Variants in ADARB2 observed in about 807,000 individuals in gnomAD.
ADARB2 encodes adenosine deaminase RNA specific B2 (inactive).
ADARB2 carries 25 observed loss-of-function variants against 62.2 expected under a neutral mutation model. The observed-to-expected ratio is 0.40, with a 90% CI of 0.29 to 0.56. The LOEUF (loss-of-function observed/expected upper bound fraction) is 0.56, where lower values mean the gene tolerates loss of function less well. Among genes scored for constraint, ADARB2 ranks in the 20% least tolerant of loss-of-function variants. The pLI, the probability that ADARB2 is intolerant of heterozygous loss-of-function variation, is 0.43. For synonymous variants in ADARB2, 572 were observed against 500.8 expected (o/e 1.14, Z -1.90); for missense variants, 1,071 against 1,077.4 (o/e 0.99, Z 0.08).
chr10:1,210,150 T>C (rs1321875226), intron 7 of ADARB2, among the ~76,000 whole-genome samples: 1 of 152,240 alleles, frequency 6.6e-6, no homozygotes, highest in African/African-American at 2.4e-5. Context: ...GTTTGGATCT[T>C]TTGATACAAA....
At chr10:1,431,256 T>C (rs1830775330) in intron 1 of ADARB2, among the ~76,000 whole-genome samples, 1 of 152,134 alleles carries the variant, frequency 6.6e-6, no homozygotes, top group Non-Finnish European at 1.5e-5. Context: ...CATAAAGGAA[T>C]TAAACCAGAA....
chr10:1,519,836 GC>G (rs1352468498), intron 1 of ADARB2, among the ~76,000 whole-genome samples: 2 of 151,950 alleles, frequency 1.3e-5, no homozygotes, highest in Non-Finnish European at 2.9e-5. Flanking sequence ...CCTTTGCCCT[GC>G]ATGGATCTTG....
chr10:1,332,851 A>G lies in ADARB2; in HGVS notation c.1077+30177T>C, dbSNP rs566016313. On this transcript the variant is annotated intron_variant, in intron 3 of 9. Transcript: ENST00000381312. ...AAATTGTCTAATTGATTAAGTTGTA[A>G]GAATTTCTCTGATTACATTGGAAGC... Among the ~76,000 whole-genome samples the G allele has an allele frequency of 3.3e-5, 5 of 152,376 alleles. No homozygotes were observed. The South Asian group carries it at 1.0e-3, about 32-fold the overall frequency.
chr10:1,183,162 C>G lies in ADARB2; in HGVS notation c.*31G>C, dbSNP rs754354574. On this transcript the variant is annotated 3_prime_UTR_variant, in exon 10 of 10. Transcript: ENST00000381312. ...ACACGGTCCCATCCCTCCAGCGTCC[C>G]GCTCAGCTCCAGCAGCCAGGAGCCC... 6.2e-7 allele frequency: 1 copy of G among 1,607,342 alleles called. No homozygotes were observed. Among genetic ancestry groups the G allele is most frequent in the Non-Finnish European group, 8.5e-7 (1 of 1,176,406 alleles).
intron 1 of ADARB2, among the ~76,000 whole-genome samples, chr10:1,717,905 G>A (rs376600281): frequency 1.3e-5 from 2 of 152,240 alleles, no homozygotes; most frequent in African/African-American, 2.4e-5. Flanking sequence ...TATGGCTAAG[G>A]GTGGCTTGCA....
At chr10:1,243,907 G>A (rs375592892) in intron 4 of ADARB2, among the ~76,000 whole-genome samples, 2 of 152,204 alleles carry the variant, frequency 1.3e-5, no homozygotes, top group African/African-American at 4.8e-5. Flanking sequence ...CCCCCTCCCT[G>A]GTGGGACGGG....
Position 1,181,656 on chromosome 10 carries a change from C to T in ADARB2, c.*1537G>A, listed in dbSNP as rs891696565. The stretch of plus-strand genomic sequence containing the variant: ...TTATAGCACTTGACTATGTACAGCA[C>T]AATGTTATTCTTGCACTTTCTGGGG... On this transcript the variant is annotated 3_prime_UTR_variant, in exon 10 of 10. Transcript: ENST00000381312. The T allele has an allele frequency of 6.6e-6, 1 of 152,240 alleles. No individual in the cohort carries two copies. The highest frequency in any genetic ancestry group is 1.5e-5 in the Non-Finnish European group (1 of 68,050). 9.4% of individuals were successfully genotyped at this position (152,240 alleles called of 1,614,324 possible).
At chr10:1,450,135 G>T (rs368339009) in intron 1 of ADARB2, among the ~76,000 whole-genome samples, 4 of 152,122 alleles carry the variant, frequency 2.6e-5, no homozygotes, top group African/African-American at 7.2e-5. Context: ...GGCTCCCGTC[G>T]AGAGGGAGCT....
chr10:1,424,001 C>T (rs1187292110), intron 1 of ADARB2, among the ~76,000 whole-genome samples: 1 of 152,160 alleles, frequency 6.6e-6, no homozygotes, highest in Non-Finnish European at 1.5e-5. Flanking sequence ...ATTATGTATG[C>T]AGTAGGTCTA....
intron 7 of ADARB2, among the ~76,000 whole-genome samples, chr10:1,211,857 A>T (rs4880792): frequency 6.6e-6 from 1 of 152,004 alleles, no homozygotes; most frequent in African/African-American, 2.4e-5. Context: ...GTGAGTTTTG[A>T]GTACCTGTTA....
intron 3 of ADARB2, among the ~76,000 whole-genome samples, chr10:1,344,152 G>A (rs1832057169): frequency 6.6e-6 from 1 of 152,140 alleles, no homozygotes; most frequent in Non-Finnish European, 1.5e-5. Context: ...CACAGGATTT[G>A]GGTCCCATTT....
At chr10:1,714,226 C>T (rs12251808) in intron 1 of ADARB2, among the ~76,000 whole-genome samples, 16,945 of 152,144 alleles carry the variant, frequency 0.11, 1,704 homozygotes, top group East Asian at 0.27. Context: ...GAAGGTTGGA[C>T]GATTTAGATT....
At chr10:1,699,280 C>A (rs1834792039) in intron 1 of ADARB2, among the ~76,000 whole-genome samples, 1 of 45,182 alleles carries the variant, frequency 2.2e-5, no homozygotes, top group Non-Finnish European at 4.8e-5. Context: ...GGGCACTCGC[C>A]AATACACGCA....
intron 1 of ADARB2, among the ~76,000 whole-genome samples, chr10:1,633,975 G>C (rs1023755032): frequency 6.6e-6 from 1 of 152,184 alleles, no homozygotes. Context: ...CTCCTTGCCA[G>C]CACAGAGGGA....
intron 1 of ADARB2, among the ~76,000 whole-genome samples, chr10:1,606,798 A>T (rs1001499788): frequency 1.3e-5 from 2 of 152,178 alleles, no homozygotes; most frequent in South Asian, 4.1e-4. Flanking sequence ...AACAGAAGCC[A>T]TTGAAGCCAG....
intron 1 of ADARB2, among the ~76,000 whole-genome samples, chr10:1,463,795 C>T (rs954480632): frequency 6.6e-6 from 1 of 152,060 alleles, no homozygotes; most frequent in African/African-American, 2.4e-5. Context: ...CAATGCTGGA[C>T]CAGTATCCAG....
At chr10:1,234,138 G>A (rs545743888) in intron 5 of ADARB2, among the ~76,000 whole-genome samples, 13 of 149,126 alleles carry the variant, frequency 8.7e-5, no homozygotes, top group East Asian at 4.1e-4. Flanking sequence ...ACAGGCATGC[G>A]CCACCACGCC....
intron 1 of ADARB2, among the ~76,000 whole-genome samples, chr10:1,500,162 G>A (rs1188882809): frequency 6.6e-6 from 1 of 152,226 alleles, no homozygotes; most frequent in Non-Finnish European, 1.5e-5. Context: ...CTGCTTCTGA[G>A]CAGTGCCTCC....
intron 6 of ADARB2, among the ~76,000 whole-genome samples, chr10:1,233,186 G>A (rs751228840): frequency 6.6e-6 from 1 of 152,148 alleles, no homozygotes; most frequent in Non-Finnish European, 1.5e-5. Context: ...GCGTGGATGC[G>A]TTCTGTCTCA....
Sources: allele counts gnomAD v4.1 joint callset (sites outside exome capture counted in the v4.1 genomes callset), GRCh38; gene constraint gnomAD v4.1.1; transcripts MANE v1.5; gene names NCBI Gene and HGNC (gene_info 2026-07-23, HGNC 2026-07-21).